The following CSMD1 variants were observed in gnomAD, a reference collection of about 807,000 sequenced individuals.
The protein encoded by CSMD1 is CUB and sushi domain-containing protein 1.
A neutral mutation model predicts 417.5 loss-of-function variants in CSMD1; 213 were observed. That is an observed-to-expected ratio of 0.51 (90% confidence interval 0.46 to 0.57). The LOEUF is 0.57. Ranked by LOEUF, CSMD1 falls within the 20% of genes least tolerant of loss-of-function variation. CSMD1 has a pLI of 0.00. For missense variants in CSMD1, 6,923 were observed against 4,529.7 expected (o/e 1.53, Z -15.17); for synonymous variants, 2,862 against 1,736.8 (o/e 1.65, Z -16.11).
intron 1 of CSMD1, among the ~76,000 whole-genome samples, chr8:4,982,168 C>G (rs1377876498): frequency 6.6e-6 from 1 of 152,218 alleles, no homozygotes; most frequent in East Asian, 1.9e-4. Context: ...CCCAGCTAAG[C>G]TGCCAAGCCA....
chr8:4,778,025 G>T (rs980699082), intron 1 of CSMD1, among the ~76,000 whole-genome samples: 1 of 152,184 alleles, frequency 6.6e-6, no homozygotes, highest in Non-Finnish European at 1.5e-5. Context: ...TCCCGTTCTA[G>T]ATGGTAGTGG....
At chr8:4,483,467 C>G (rs1027364540) in intron 2 of CSMD1, among the ~76,000 whole-genome samples, 17 of 152,244 alleles carry the variant, frequency 1.1e-4, no homozygotes, top group African/African-American at 4.1e-4. Context: ...TTTAATATAA[C>G]AGACTTCTAA....
intron 42 of CSMD1, among the ~76,000 whole-genome samples, chr8:3,113,685 G>A (rs568795737): frequency 6.6e-6 from 1 of 152,118 alleles, no homozygotes; most frequent in African/African-American, 2.4e-5. Flanking sequence ...TGGGAAGGGG[G>A]TACTTTTGGT....
At chr8:3,238,805 T>C (rs1799312748) in intron 26 of CSMD1, among the ~76,000 whole-genome samples, 2 of 152,192 alleles carry the variant, frequency 1.3e-5, no homozygotes, top group Admixed American at 6.5e-5. Flanking sequence ...ATTATTTATT[T>C]ACTTTAAGTG....
chr8:4,484,506 G>C (rs1801265026), intron 2 of CSMD1, among the ~76,000 whole-genome samples: 1 of 152,040 alleles, frequency 6.6e-6, no homozygotes, highest in Admixed American at 6.6e-5. Context: ...GGGATCTTAA[G>C]CAAGTTTGGT....
Position 3,647,928 on chromosome 8 carries a change from TG to T in CSMD1, c.1010-31132del, listed in dbSNP as rs778552662. On this transcript the variant is annotated intron_variant, in intron 7 of 69. Transcript: ENST00000635120. ...AACAAATTACTCTGTTTGTTTTGTT[TG>T]TAAGAGACATGTGCCACTTCATAAA... 5.3e-5 allele frequency among the ~76,000 whole-genome samples: 8 copies of T among 152,376 alleles called. No individual in the cohort carries two copies. In the East Asian group the frequency reaches 1.5e-3, roughly 29 times the overall value.
At chr8:4,269,994 G>A (rs528689096) in intron 3 of CSMD1, among the ~76,000 whole-genome samples, 11 of 152,268 alleles carry the variant, frequency 7.2e-5, no homozygotes, top group South Asian at 4.1e-4. Context: ...TGAGCTTGGG[G>A]CCATATATAA....
chr8:3,219,091 T>C lies in CSMD1; in HGVS notation c.4672+164A>G, dbSNP rs542160604. On this transcript the variant is annotated intron_variant, in intron 29 of 69. Transcript: ENST00000635120. ...TTAAAGTAGAAATGCACCTCAGGAA[T>C]ATCTTCACTGGAGAGGGAGGAGACA... 4.6e-5 allele frequency among the ~76,000 whole-genome samples: 7 copies of C among 152,252 alleles called. No individual in the cohort carries two copies. The East Asian group carries it at 1.4e-3, about 29-fold the overall frequency.
intron 2 of CSMD1, among the ~76,000 whole-genome samples, chr8:4,488,225 T>G (rs1407434515): frequency 1.3e-5 from 2 of 152,198 alleles, no homozygotes; most frequent in Non-Finnish European, 2.9e-5. Flanking sequence ...TTAATGGTAT[T>G]TTGTTACAGC....
At chr8:3,956,282 C>G (rs1296896592) in intron 5 of CSMD1, among the ~76,000 whole-genome samples, 1 of 152,130 alleles carries the variant, frequency 6.6e-6, no homozygotes, top group Non-Finnish European at 1.5e-5. Context: ...AACAATGAAA[C>G]CATCACATCA....
At chr8:4,158,462 A>C (rs1796960927) in intron 3 of CSMD1, among the ~76,000 whole-genome samples, 1 of 152,200 alleles carries the variant, frequency 6.6e-6, no homozygotes, top group Non-Finnish European at 1.5e-5. Flanking sequence ...AGTAATACTA[A>C]TACAGCCGCT....
At chr8:3,793,551 C>T (rs766489448) in intron 5 of CSMD1, among the ~76,000 whole-genome samples, 7 of 151,494 alleles carry the variant, frequency 4.6e-5, no homozygotes, top group African/African-American at 7.3e-5. Context: ...CACATGACAC[C>T]CCCTCCTCCA....
intron 11 of CSMD1, among the ~76,000 whole-genome samples, chr8:3,491,259 C>T (rs531368614): frequency 3.9e-5 from 6 of 152,160 alleles, no homozygotes; most frequent in Non-Finnish European, 8.8e-5. Context: ...GAGTTGGAAT[C>T]CCTGCCTCAA....
intron 3 of CSMD1, among the ~76,000 whole-genome samples, chr8:4,033,418 G>A (rs1401506827): frequency 2.0e-5 from 3 of 152,132 alleles, no homozygotes; most frequent in African/African-American, 7.2e-5. Context: ...CTCCAGCGTG[G>A]GTGACAGAGC....
chr8:3,851,939 A>G (rs2129100418), intron 5 of CSMD1, among the ~76,000 whole-genome samples: 1 of 152,234 alleles, frequency 6.6e-6, no homozygotes, highest in Non-Finnish European at 1.5e-5. Context: ...ATTGAAGAAT[A>G]TGTGAGCTAG....
At chr8:4,815,083 G>T (rs1799130349) in intron 1 of CSMD1, among the ~76,000 whole-genome samples, 1 of 152,070 alleles carries the variant, frequency 6.6e-6, no homozygotes, top group South Asian at 2.1e-4. Context: ...ATCCCGCTGG[G>T]TGACCTAAAT....
intron 25 of CSMD1, among the ~76,000 whole-genome samples, chr8:3,290,518 T>C (rs962119773): frequency 2.8e-5 from 4 of 144,802 alleles, no homozygotes; most frequent in Non-Finnish European, 4.4e-5. Flanking sequence ...TGGTTTGTAG[T>C]TCTCCTTGAA....
At chr8:3,337,881 C>G (rs971625791) in intron 23 of CSMD1, among the ~76,000 whole-genome samples, 1 of 152,196 alleles carries the variant, frequency 6.6e-6, no homozygotes, top group African/African-American at 2.4e-5. Context: ...TACCTCTGTT[C>G]AAACTTCTGC....
intron 1 of CSMD1, among the ~76,000 whole-genome samples, chr8:4,704,699 G>C (rs1039095284): frequency 6.6e-6 from 1 of 152,128 alleles, no homozygotes; most frequent in East Asian, 1.9e-4. Context: ...TTGTTTGTTT[G>C]CTTGTGTGCT....
Sources: allele counts gnomAD v4.1 joint callset (sites outside exome capture counted in the v4.1 genomes callset), GRCh38; gene constraint gnomAD v4.1.1; transcripts MANE v1.5; gene names NCBI Gene and HGNC (gene_info 2026-07-23, HGNC 2026-07-21).